Variants in CEP135 observed in about 807,000 individuals in gnomAD.
CEP135 encodes the protein centrosomal protein of 135 kDa.
A neutral mutation model predicts 157.3 loss-of-function variants in CEP135; 142 were observed. That is an observed-to-expected ratio of 0.90 (90% confidence interval 0.79 to 1.04). The LOEUF is 1.04. Ranked by LOEUF, CEP135 falls within the 50% of genes least tolerant of loss-of-function variation. CEP135 has a pLI of 0.00. For synonymous variants in CEP135, 396 were observed against 439.8 expected (o/e 0.90, Z 1.25); for missense variants, 1,317 against 1,309.2 (o/e 1.01, Z -0.09).
At chr4:56,002,089 G>A (rs772666993) in intron 17 of CEP135, among the ~76,000 whole-genome samples, 35 of 152,002 alleles carry the variant, frequency 2.3e-4, no homozygotes, top group Admixed American at 3.9e-4. Context: ...TTGTAATCTT[G>A]ATTTTGTATT....
In CEP135 at chr4:56,021,360, T is replaced by A. The variant is rs1730967783; in HGVS notation, c.3320+580T>A. Among the ~76,000 whole-genome samples, 3 of 152,204 alleles carry A rather than the reference T, an allele frequency of 2.0e-5. No individual in the cohort carries two copies. In the South Asian group the frequency reaches 6.2e-4, roughly 32 times the overall value. ...AAGTGGTAGGAAACCAAACAGATTT[T>A]AATTCTAAAACCTGTACCCTTAACC... On this transcript the variant is annotated intron_variant, in intron 24 of 25. Coordinates refer to ENST00000257287, the MANE Select transcript of CEP135 (RefSeq NM_025009.5).
rs377618917 is a variant in CEP135, at chr4:55,965,668, A to G, written c.853A>G (p.Lys285Glu). 10 of 1,608,658 alleles carry G rather than the reference A, an allele frequency of 6.2e-6. No homozygotes were observed. The highest frequency in any genetic ancestry group is 8.5e-6 in the Non-Finnish European group (10 of 1,178,696). The stretch of plus-strand genomic sequence containing the variant: ...GGTTGACTTTCTTCAGCAAGCTAAT[A>G]AAGACCTGGAGAAGCGTATACGAGA... ...IQVDFLQQAN[K>E]DLEKRIRELM... The change falls in exon 8 of 26, where the codon AAA becomes GAA. Residue 285 changes from lysine to glutamate, a missense_variant. Transcript: ENST00000257287.
At chr4:56,014,993 G>A (rs964360750) in intron 21 of CEP135, among the ~76,000 whole-genome samples, 1 of 152,026 alleles carries the variant, frequency 6.6e-6, no homozygotes, top group Non-Finnish European at 1.5e-5. Context: ...AGTGAGCCGA[G>A]ATCATGCCAC....
Position 56,019,446 on chromosome 4 carries a change from T to C in CEP135, c.3106T>C (p.Leu1036=), listed in dbSNP as rs1730895505. The change falls in exon 23 of 26, where the codon TTG becomes CTG. Residue 1036 remains leucine (L), a synonymous_variant. Transcript: ENST00000257287. ...ACATACAGTTAAAAACCTCGAATCATTGTTGGCTACAAACAGAGATAAAGA... is the reference window on the plus strand; with the variant it reads ...ACATACAGTTAAAAACCTCGAATCACTGTTGGCTACAAACAGAGATAAAGA... ...ERHTVKNLES[L]LATNRDKEFH... 5 of 1,613,856 alleles carry C rather than the reference T, an allele frequency of 3.1e-6. No homozygotes were observed. The highest frequency in any genetic ancestry group is 4.2e-6 in the Non-Finnish European group (5 of 1,179,922).
At chr4:55,951,860 G>A (rs1465553175) in intron 1 of CEP135, among the ~76,000 whole-genome samples, 1 of 152,150 alleles carries the variant, frequency 6.6e-6, no homozygotes, top group Non-Finnish European at 1.5e-5. Flanking sequence ...TCTCCTAGAA[G>A]CTTTAGGATT....
At chr4:55,979,439 A>C (rs1188839969) in intron 11 of CEP135, among the ~76,000 whole-genome samples, 1 of 152,230 alleles carries the variant, frequency 6.6e-6, no homozygotes, top group African/African-American at 2.4e-5. Flanking sequence ...TTCTTAATAT[A>C]TACTGCCTGG....
chr4:56,018,693 G>A (rs1176180824), intron 22 of CEP135, among the ~76,000 whole-genome samples: 2 of 152,048 alleles, frequency 1.3e-5, no homozygotes, highest in Admixed American at 6.5e-5. Flanking sequence ...CCAGGATGTC[G>A]AGGCCGCAGT....
intron 17 of CEP135, among the ~76,000 whole-genome samples, chr4:56,000,923 C>G (rs1730146205): frequency 6.6e-6 from 1 of 152,196 alleles, no homozygotes; most frequent in African/African-American, 2.4e-5. Context: ...CGGTTATTCC[C>G]CATCTTTTTG....
intron 10 of CEP135, among the ~76,000 whole-genome samples, chr4:55,972,616 T>A (rs1292894408): frequency 6.6e-6 from 1 of 152,232 alleles, no homozygotes; most frequent in African/African-American, 2.4e-5. Context: ...AACTTGAGCA[T>A]GTTACTTAAG....
chr4:55,995,190 C>T (rs940365531), intron 15 of CEP135, among the ~76,000 whole-genome samples: 8 of 152,124 alleles, frequency 5.3e-5, no homozygotes, highest in South Asian at 2.1e-4. Context: ...TTTGTCTACC[C>T]GGGAAGGTTA....
chr4:55,999,217 A>G, intron 15 of CEP135, 85 bp from the exon 16 acceptor site: 1 of 1,076,138 alleles, frequency 9.3e-7, no homozygotes, highest in Non-Finnish European at 1.3e-6. Flanking sequence ...TAAGACATCA[A>G]AATATTTTTA....
chr4:55,958,909 ACT>A (rs1291125038), intron 5 of CEP135, among the ~76,000 whole-genome samples: 1 of 151,222 alleles, frequency 6.6e-6, no homozygotes, highest in African/African-American at 2.4e-5. Context: ...ATGTGGAAAA[ACT>A]CTCTCTCTAC....
intron 3 of CEP135, 26 bp from the exon 4 acceptor site, chr4:55,954,190 G>C: frequency 6.5e-7 from 1 of 1,534,506 alleles, no homozygotes; most frequent in East Asian, 2.4e-5. Context: ...TCTTTAAAAC[G>C]GTCTTTGAAT....
At chr4:56,027,679 T>TTTTTGTTTTG (rs1191806099) in intron 25 of CEP135, among the ~76,000 whole-genome samples, 1 of 151,592 alleles carries the variant, frequency 6.6e-6, no homozygotes, top group Non-Finnish European at 1.5e-5. Flanking sequence ...AGACACTGCA[T>TTTTTGTTTTG]TTTTGTTTTG....
At chr4:56,027,580 T>C (rs1472371428) in intron 25 of CEP135, among the ~76,000 whole-genome samples, 3 of 151,968 alleles carry the variant, frequency 2.0e-5, no homozygotes, top group Non-Finnish European at 4.4e-5. Flanking sequence ...TCTGAAAGTA[T>C]TGGGGATTCT....
At chr4:55,975,825 A>G (rs1026655530) in intron 11 of CEP135, among the ~76,000 whole-genome samples, 7 of 152,194 alleles carry the variant, frequency 4.6e-5, no homozygotes, top group East Asian at 1.9e-4. Flanking sequence ...TAATTTTGTC[A>G]TGTTTTTCCT....
intron 11 of CEP135, among the ~76,000 whole-genome samples, chr4:55,977,148 A>G (rs1729251425): frequency 6.6e-6 from 1 of 152,128 alleles, no homozygotes; most frequent in African/African-American, 2.4e-5. Context: ...AAACATGTTC[A>G]GGAGCACTTG....
intron 9 of CEP135, among the ~76,000 whole-genome samples, chr4:55,969,505 A>G (rs1421357195): frequency 1.3e-5 from 2 of 151,466 alleles, no homozygotes; most frequent in Admixed American, 6.6e-5. Flanking sequence ...CCACTAATCT[A>G]CTTTCTGTTT....
chr4:55,961,033 G>A (rs1418449701), intron 6 of CEP135: 1 of 150,288 alleles, frequency 6.7e-6, no homozygotes, highest in African/African-American at 2.4e-5. Flanking sequence ...TTGAACCTGG[G>A]AGGCGGAGGT....
Sources: gnomAD v4.1 joint callset for allele counts (sites outside exome capture counted in the v4.1 genomes callset) on GRCh38, gnomAD v4.1.1 for gene constraint, MANE v1.5 for transcripts, NCBI Gene and HGNC (gene_info 2026-07-23, HGNC 2026-07-21) for gene names.